PPID: variants seen among roughly 807,000 people sequenced by gnomAD.
PPID encodes the protein peptidyl-prolyl cis-trans isomerase D.
PPID carries 47 observed loss-of-function variants against 48.1 expected under a neutral mutation model. The ratio of observed to expected loss-of-function variants is 0.98; its 90% CI spans 0.77 to 1.25. The LOEUF (loss-of-function observed/expected upper bound fraction) is 1.25, where lower values mean the gene tolerates loss of function less well. Among genes scored for constraint, PPID ranks in the 50% most tolerant of loss-of-function variants. The probability of loss-of-function intolerance (pLI) is 0.00; values close to 1 mark genes in which losing one functional copy is unlikely to be tolerated. For synonymous variants in PPID, 163 were observed against 148.8 expected, an observed-to-expected ratio of 1.10 and a Z score of -0.69; for missense variants, 429 against 443.5, an observed-to-expected ratio of 0.97 and a Z score of 0.29.
In PPID at chr4:158,723,313, CG is replaced by C; in HGVS notation, c.-26del. 6.2e-7 allele frequency: 1 copy of C among 1,607,744 alleles called. No individual in the cohort carries two copies. Among genetic ancestry groups the C allele is most frequent in the Non-Finnish European group, 8.5e-7 (1 of 1,174,908 alleles). On this transcript the variant is annotated 5_prime_UTR_variant, in exon 1 of 10. Transcript: ENST00000307720. Reference sequence around the variant, plus strand: ...TCTTGACTTGCAGACGTGTTTAGTACGGAATATCAGAGTACCTAGTGGCCGC... The same window carrying C: ...TCTTGACTTGCAGACGTGTTTAGTACGAATATCAGAGTACCTAGTGGCCGC...
At chr4:158,713,055 T>C (rs1580429415) in intron 7 of PPID, 64 bp downstream of exon 7, 1 of 1,518,996 alleles carries the variant, frequency 6.6e-7, no homozygotes. Flanking sequence ...ATATAAAAGT[T>C]GCTACTATTC....
At chr4:158,715,901 G>T (rs1774863736) in intron 4 of PPID, among the ~76,000 whole-genome samples, 1 of 152,102 alleles carries the variant, frequency 6.6e-6, no homozygotes, top group South Asian at 2.1e-4. Flanking sequence ...AATAAACACA[G>T]AATAAGTTGG....
intron 9 of PPID, chr4:158,710,224 T>A: frequency 2.9e-6 from 1 of 342,472 alleles, no homozygotes; most frequent in Non-Finnish European, 5.3e-6. Flanking sequence ...ACTAAGGTTA[T>A]AGCCACATTC....
At chr4:158,713,578 TAGG>T (rs1774824098) in intron 6 of PPID, among the ~76,000 whole-genome samples, 2 of 152,306 alleles carry the variant, frequency 1.3e-5, no homozygotes, top group South Asian at 4.1e-4. Context: ...ATTCTCATAA[TAGG>T]AGAAGGGAAT....
Position 158,721,359 on chromosome 4 carries a change from T to C in PPID, c.210A>G (p.Gly70=), listed in dbSNP as rs1774956275. 1 of 1,614,016 alleles carries C rather than the reference T, an allele frequency of 6.2e-7. No individual in the cohort carries two copies. Among genetic ancestry groups the C allele is most frequent in the South Asian group, 1.1e-5 (1 of 91,088 alleles). Residue 70 remains glycine, a synonymous_variant, in exon 2 of 10, where the codon GGA becomes GGG. Coordinates refer to ENST00000307720, the MANE Select transcript of PPID (RefSeq NM_005038.3). ...TACACATACTTCGATGAAAAGGGCATCCTTTGAAATGGAGAGGTTTCCCAG... is the reference window on the plus strand; with the variant it reads ...TACACATACTTCGATGAAAAGGGCACCCTTTGAAATGGAGAGGTTTCCCAG... ...HTTGKPLHFK[G]CPFHRIIKKF...
intron 1 of PPID, 54 bp downstream of exon 1, chr4:158,723,150 C>A (rs1774991068): frequency 1.3e-6 from 2 of 1,530,924 alleles, no homozygotes; most frequent in Admixed American, 1.8e-5. Context: ...TCCCCCAAAT[C>A]CCGGGAACCC....
At chr4:158,721,846 T>C (rs998889965) in intron 1 of PPID, among the ~76,000 whole-genome samples, 1 of 152,228 alleles carries the variant, frequency 6.6e-6, no homozygotes, top group Non-Finnish European at 1.5e-5. Context: ...TCATGTAACA[T>C]AATGTCCTCC....
intron 2 of PPID, among the ~76,000 whole-genome samples, 156 bp downstream of exon 2, chr4:158,721,187 C>T (rs1230797208): frequency 6.6e-6 from 1 of 152,204 alleles, no homozygotes; most frequent in African/African-American, 2.4e-5. Context: ...CCACCTCGCA[C>T]AGCCTAACCT....
intron 5 of PPID, 64 bp downstream of exon 5, chr4:158,715,498 T>G: frequency 1.9e-6 from 3 of 1,578,800 alleles, no homozygotes; most frequent in Non-Finnish European, 2.6e-6. Flanking sequence ...AAGCTCAAAC[T>G]TTTAGTACTA....
intron 2 of PPID, among the ~76,000 whole-genome samples, chr4:158,719,492 C>T (rs1774922456): frequency 6.6e-6 from 1 of 152,208 alleles, no homozygotes; most frequent in Admixed American, 6.5e-5. Context: ...TGCCTGATCC[C>T]TGCTAACATT....
rs17843914 is a variant in PPID at position 158,718,288 on chromosome 4, G to A, written c.333+892C>T. 2.7e-3 allele frequency among the ~76,000 whole-genome samples: 406 copies of A among 152,186 alleles called. 1 individual carries two copies. Among genetic ancestry groups the A allele is most frequent in the African/African-American group, 9.6e-3 (400 of 41,532 alleles). On this transcript the variant is annotated intron_variant, in intron 3 of 9. Transcript: ENST00000307720. The stretch of plus-strand genomic sequence containing the variant: ...CTAACCAAATCTCAGACATGTTGCC[G>A]CCTTGCAAGACCCAGTCTGCACAGC...
chr4:158,716,939 A>C, intron 4 of PPID, 73 bp downstream of exon 4: 1 of 1,480,606 alleles, frequency 6.8e-7, no homozygotes, highest in Non-Finnish European at 9.4e-7. Flanking sequence ...CCAGCCTGGA[A>C]CAGATCGAGA....
chr4:158,715,380 T>C lies in PPID; in HGVS notation c.669A>G (p.Thr223=), dbSNP rs1417651987. The C allele has an allele frequency of 1.3e-6, 2 of 1,527,268 alleles. No homozygotes were observed. Among genetic ancestry groups the C allele is most frequent in the African/African-American group, 1.4e-5 (1 of 71,090 alleles). 94.6% of individuals were successfully genotyped at this position (1,527,268 alleles called of 1,614,324 possible). The change falls in exon 6 of 10, where the codon ACA becomes ACG. Residue 223 remains threonine (T), a synonymous_variant. Transcript: ENST00000307720. The part of the protein sequence containing the change: ...LKDVDKILLI[T]EDLKNIGNTF... ...TATTTCCAATGTTTTTTAAGTCTTC[T>C]GTTATTAATAAAATTTTATCTACCT...
chr4:158,718,107 G>A (rs60605097), intron 3 of PPID, among the ~76,000 whole-genome samples: 2,242 of 152,228 alleles, frequency 0.015, 53 homozygotes, highest in African/African-American at 0.049. Context: ...TTTTCTCTAT[G>A]TCAATGTGAT....
rs146023246 is a variant in PPID at position 158,710,808 on chromosome 4, C to T, written c.935G>A (p.Arg312His). Residue 312 changes from arginine (R) to histidine (H), a missense_variant, in exon 8 of 10, where the codon CGC (arginine) becomes CAC (histidine). Coordinates refer to ENST00000307720, the MANE Select transcript of PPID (RefSeq NM_005038.3). ...TAATCCTTGCCATCCTTGAGCTCTG[C>T]GGTACAATGCTTTGGTATTTGATGG... ...LDPSNTKALYRRAQGWQGLKE... is the reference protein window; with the variant it reads ...LDPSNTKALYHRAQGWQGLKE... 5.7e-5 allele frequency: 92 copies of T among 1,613,604 alleles called. No individual in the cohort carries two copies. The highest frequency in any genetic ancestry group is 6.9e-5 in the Non-Finnish European group (81 of 1,179,654).
intron 7 of PPID, 152 bp downstream of exon 7, chr4:158,712,967 A>T: frequency 1.3e-6 from 1 of 764,338 alleles, no homozygotes; most frequent in Non-Finnish European, 2.1e-6. Context: ...TAGAGAAAGA[A>T]CTGAGGGTCC....
intron 1 of PPID, among the ~76,000 whole-genome samples, chr4:158,721,709 T>C (rs1463300706): frequency 6.6e-6 from 1 of 152,200 alleles, no homozygotes; most frequent in African/African-American, 2.4e-5. Flanking sequence ...TAACTGAAAT[T>C]AGGTCTCTCG....
chr4:158,710,706 G>A (rs1362213137), intron 8 of PPID, 36 bp from the exon 9 acceptor site: 2 of 1,610,728 alleles, frequency 1.2e-6, no homozygotes, highest in Admixed American at 1.7e-5. Flanking sequence ...TTAGGTGTAT[G>A]ATTTATAAAG....
At chr4:158,718,339 C>T (rs1369774417) in intron 3 of PPID, among the ~76,000 whole-genome samples, 2 of 152,218 alleles carry the variant, frequency 1.3e-5, no homozygotes, top group East Asian at 1.9e-4. Flanking sequence ...TCCTCAATGA[C>T]TTCCATAATA....
Sources: gnomAD v4.1 joint callset for allele counts (sites outside exome capture counted in the v4.1 genomes callset) on GRCh38, gnomAD v4.1.1 for gene constraint, MANE v1.5 for transcripts, NCBI Gene and HGNC (gene_info 2026-07-23, HGNC 2026-07-21) for gene names.